Variants in TP63 observed in about 807,000 individuals in gnomAD.
TP63 encodes the protein tumor protein p63, also known as tumor protein 63.
TP63 carries 17 observed loss-of-function variants against 82.8 expected under a neutral mutation model. The ratio of observed to expected loss-of-function variants is 0.21; its 90% CI spans 0.14 to 0.31. TP63 has a LOEUF of 0.31. Ranked by LOEUF, TP63 falls within the 10% of genes least tolerant of loss-of-function variation. The pLI is 1.00. For missense variants in TP63, 648 were observed against 895.3 expected (o/e 0.72, Z 3.52); for synonymous variants, 330 against 321.7 (o/e 1.03, Z -0.28).
At chr3:189,771,332 AAT>A (rs1491390955) in intron 3 of TP63, among the ~76,000 whole-genome samples, 1 of 137,952 alleles carries the variant, frequency 7.2e-6, no homozygotes, top group Non-Finnish European at 1.5e-5. Flanking sequence ...ATTTATATAT[AAT>A]ATATATTTAT....
the TP63 span, among the ~76,000 whole-genome samples, chr3:189,596,939 G>A: frequency 2.0e-5 from 3 of 151,996 alleles, no homozygotes; most frequent in Admixed American, 6.6e-5. Context: ...AACTCCAGAC[G>A]CACCGCCTTA....
the TP63 span, among the ~76,000 whole-genome samples, chr3:189,618,373 C>G: frequency 6.6e-6 from 1 of 152,186 alleles, no homozygotes; most frequent in East Asian, 1.9e-4. Context: ...CCCATTCTTT[C>G]CTTTTCTTAG....
chr3:189,802,368 T>C (rs537873179), intron 3 of TP63, among the ~76,000 whole-genome samples: 2 of 152,340 alleles, frequency 1.3e-5, no homozygotes, highest in East Asian at 3.9e-4. Context: ...TAAAATGTTT[T>C]AGATTTCTAA....
At chr3:189,672,239 T>C (rs1437311821) in intron 1 of TP63, among the ~76,000 whole-genome samples, 1 of 151,966 alleles carries the variant, frequency 6.6e-6, no homozygotes, top group African/African-American at 2.4e-5. Context: ...AGAGGCAAAT[T>C]TACAGCTTTA....
chr3:189,805,226 C>T (rs1726754766), intron 3 of TP63, among the ~76,000 whole-genome samples: 1 of 152,126 alleles, frequency 6.6e-6, no homozygotes, highest in African/African-American at 2.4e-5. Context: ...TCAGTTTACT[C>T]AAGAAATTAT....
At chr3:189,787,960 C>T (rs1175773507) in intron 3 of TP63, among the ~76,000 whole-genome samples, 1 of 151,980 alleles carries the variant, frequency 6.6e-6, no homozygotes, top group Admixed American at 6.6e-5. Context: ...AGTTTTTGGG[C>T]CACAGGAATT....
the TP63 span, among the ~76,000 whole-genome samples, chr3:189,614,348 T>A: frequency 1.1e-4 from 16 of 152,326 alleles, no homozygotes; most frequent in Non-Finnish European, 1.5e-5. Context: ...ATGTAAGAAG[T>A]GCTTTTTGCC....
intron 1 of TP63, among the ~76,000 whole-genome samples, chr3:189,676,231 A>G (rs1281617920): frequency 6.6e-6 from 1 of 152,022 alleles, no homozygotes. Context: ...TATTAACTAT[A>G]CTCATTATGC....
At chr3:189,771,428 T>G (rs1395902676) in intron 3 of TP63, among the ~76,000 whole-genome samples, 1 of 140,598 alleles carries the variant, frequency 7.1e-6, no homozygotes, top group Non-Finnish European at 1.5e-5. Context: ...TAATTATATA[T>G]AAATCTATAA....
chr3:189,710,832 G>A (rs891880173), intron 1 of TP63, among the ~76,000 whole-genome samples: 6 of 152,112 alleles, frequency 3.9e-5, no homozygotes, highest in Non-Finnish European at 4.4e-5. Context: ...TTACACAGCT[G>A]TGTGCTTCAT....
At chr3:189,813,573 A>C (rs1318638356) in intron 4 of TP63, among the ~76,000 whole-genome samples, 2 of 148,822 alleles carry the variant, frequency 1.3e-5, no homozygotes, top group Admixed American at 6.8e-5. Context: ...CTGTGTGCAT[A>C]CGCCATGAAA....
chr3:189,762,193 T>C (rs1302650421), intron 3 of TP63, among the ~76,000 whole-genome samples: 4 of 152,226 alleles, frequency 2.6e-5, no homozygotes, highest in African/African-American at 9.6e-5. Context: ...AGAGATTCTT[T>C]ACAGATGCAA....
rs1387005331 is a variant in TP63 at position 189,896,336 on chromosome 3, AC to A, written c.*1836del. The A allele has an allele frequency of 9.5e-6, 2 of 210,112 alleles. No individual in the cohort carries two copies. Among genetic ancestry groups the A allele is most frequent in the Admixed American group, 5.9e-5 (1 of 16,934 alleles). 13.0% of individuals were successfully genotyped at this position (210,112 alleles called of 1,614,324 possible). A position where few individuals can be genotyped will look rare whatever the true frequency, so the allele number is the denominator to read the frequency against. On this transcript the variant is annotated 3_prime_UTR_variant, in exon 14 of 14. Coordinates refer to ENST00000264731, the MANE Select transcript of TP63 (RefSeq NM_003722.5). ...TGGGATTTCCAGAACCACACTTGAA[AC>A]CTTTTTTTATCGTTTTTGTATTTTC...
chr3:189,834,053 C>T (rs546158433), intron 4 of TP63, among the ~76,000 whole-genome samples: 19 of 152,088 alleles, frequency 1.2e-4, no homozygotes, highest in Admixed American at 8.5e-4. Context: ...GCAGATAAAC[C>T]GATTTTGAAG....
At chr3:189,688,798 C>T (rs1424181653) in intron 1 of TP63, among the ~76,000 whole-genome samples, 1 of 152,170 alleles carries the variant, frequency 6.6e-6, no homozygotes, top group Non-Finnish European at 1.5e-5. Context: ...TTGTTTATAG[C>T]AGGTGAATCT....
At chr3:189,640,756 C>T (rs374398065) in intron 1 of TP63, among the ~76,000 whole-genome samples, 73 of 152,090 alleles carry the variant, frequency 4.8e-4, no homozygotes, top group African/African-American at 1.7e-3. Context: ...TTTGCTCTTT[C>T]TCTCTTTCAT....
chr3:189,602,654 C>T, the TP63 span, among the ~76,000 whole-genome samples: 1 of 152,158 alleles, frequency 6.6e-6, no homozygotes, highest in Non-Finnish European at 1.5e-5. Flanking sequence ...AGTATTAATT[C>T]TCTTTGCACT....
chr3:189,747,828 C>A (rs1416445071), intron 3 of TP63, among the ~76,000 whole-genome samples: 11 of 150,166 alleles, frequency 7.3e-5, no homozygotes, highest in Non-Finnish European at 1.0e-4. Flanking sequence ...AATTGATAAA[C>A]CACTTACTAG....
At chr3:189,734,034 TTCTTTCTTTTTCTTTCTC>T (rs1054098515) in intron 1 of TP63, among the ~76,000 whole-genome samples, 7 of 151,970 alleles carry the variant, frequency 4.6e-5, no homozygotes, top group East Asian at 1.9e-4. Context: ...TTTCTTTCTT[TTCTTTCTTTTTCTTTCTC>T]TCTTTCTTTT....
Sources: allele counts gnomAD v4.1 joint callset (sites outside exome capture counted in the v4.1 genomes callset), GRCh38; gene constraint gnomAD v4.1.1; transcripts MANE v1.5; gene names NCBI Gene and HGNC (gene_info 2026-07-23, HGNC 2026-07-21).